SERPINB7: variants seen among roughly 807,000 people sequenced by gnomAD.
SERPINB7 encodes the protein serpin family B member 7.
A neutral mutation model predicts 37.4 loss-of-function variants in SERPINB7; 31 were observed. The ratio of observed to expected loss-of-function variants is 0.83; its 90% confidence interval spans 0.62 to 1.12. The LOEUF (loss-of-function observed/expected upper bound fraction) is 1.12, where lower values mean the gene tolerates loss of function less well. Ranked by LOEUF, SERPINB7 falls within the 50% of genes most tolerant of loss-of-function variation. The pLI, the probability that SERPINB7 is intolerant of heterozygous loss-of-function variation, is 0.00. For missense variants in SERPINB7, 521 were observed against 455.3 expected (o/e 1.14, Z -1.31); for synonymous variants, 163 against 166.1 (o/e 0.98, Z 0.14).
chr18:63,763,122 C>T (rs1347101686), intron 1 of SERPINB7, among the ~76,000 whole-genome samples: 1 of 152,134 alleles, frequency 6.6e-6, no homozygotes, highest in Non-Finnish European at 1.5e-5. Context: ...TTGCTCTGGA[C>T]TGAGATTGGG....
rs946525063 is a variant in SERPINB7 at position 63,755,307 on chromosome 18, A to G, written c.-19+2187A>G. Among the ~76,000 whole-genome samples, 4 of 152,030 alleles carry G rather than the reference A, an allele frequency of 2.6e-5. No homozygotes were observed. The South Asian group carries it at 6.2e-4, about 24-fold the overall frequency. ...GAAATGGATGAAAAATACATTTTTCATGGATTCTTTTCATTTCGTGTCCTC... is the reference window on the plus strand; with the variant it reads ...GAAATGGATGAAAAATACATTTTTCGTGGATTCTTTTCATTTCGTGTCCTC... On this transcript the variant is annotated intron_variant, in intron 1 of 7. Transcript: ENST00000336429.
At chr18:63,774,904 A>C (rs147091744), upstream of SERPINB7, among the ~76,000 whole-genome samples, 7 of 152,238 alleles carry the variant, frequency 4.6e-5, no homozygotes, top group African/African-American at 1.4e-4. Context: ...GCCAGCTCAA[A>C]AGGTTAGAGG....
rs185922400 is a variant in SERPINB7, at chr18:63,804,190, A to G, written c.745-47A>G. On this transcript the variant is annotated intron_variant, in intron 7 of 7. Transcript: ENST00000398019. ...TATCTCTGTAGCTATTGTTTTATCTATCACTTGACCATATGATTCTAAATT... is the reference window on the plus strand; with the variant it reads ...TATCTCTGTAGCTATTGTTTTATCTGTCACTTGACCATATGATTCTAAATT... The G allele has an allele frequency of 3.5e-4, 468 of 1,350,044 alleles. 3 individuals carry two copies. The African/African-American group carries it at 6.1e-3, about 18-fold the overall frequency. 83.6% of individuals were successfully genotyped at this position (1,350,044 alleles called of 1,614,324 possible).
intron 1 of SERPINB7, among the ~76,000 whole-genome samples, chr18:63,768,021 C>A (rs990386413): frequency 1.3e-5 from 2 of 152,038 alleles, no homozygotes; most frequent in Non-Finnish European, 2.9e-5. Flanking sequence ...CTGAAGGTCT[C>A]TTCCCTTCCT....
upstream of SERPINB7, among the ~76,000 whole-genome samples, chr18:63,772,440 A>G (rs1026440317): frequency 1.3e-5 from 2 of 152,122 alleles, no homozygotes; most frequent in Non-Finnish European, 2.9e-5. Context: ...AATTAGATAC[A>G]TCATTTATAT....
intron 7 of SERPINB7, among the ~76,000 whole-genome samples, chr18:63,802,326 C>T (rs574553658): frequency 1.3e-5 from 2 of 152,282 alleles, no homozygotes; most frequent in South Asian, 4.1e-4. Context: ...AGCCCTTTTT[C>T]TGCTTTTCCT....
chr18:63,782,867 G>C (rs1438796757), intron 2 of SERPINB7, among the ~76,000 whole-genome samples: 4 of 152,050 alleles, frequency 2.6e-5, no homozygotes, highest in Non-Finnish European at 4.4e-5. Flanking sequence ...GGCCGGGCGC[G>C]GTGGCTCATG....
At position 63,804,569 on chromosome 18, in the gene SERPINB7, C is replaced by T. The variant is rs779850073; in HGVS notation, c.1077C>T (p.His359=). Residue 359 remains histidine, a synonymous_variant, in exon 8 of 8, where the codon CAC becomes CAT. Coordinates refer to ENST00000398019, the MANE Select transcript of SERPINB7 (RefSeq NM_003784.4). ...LPQSTLFRAD[H]PFLFVIRKDD... ...AGTCCACGCTGTTTAGAGCTGACCA[C>T]CCATTCCTATTTGTTATCAGGAAGG... 1.9e-6 allele frequency: 3 copies of T among 1,613,450 alleles called. No homozygotes were observed. Among genetic ancestry groups the T allele is most frequent in the South Asian group, 1.1e-5 (1 of 90,958 alleles).
In SERPINB7 at chr18:63,791,023, CAAACTAACACAGG is replaced by C. The variant is rs573349427; in HGVS notation, c.169-1367_169-1355del. Reference sequence around the variant, plus strand: ...TGAAGCTGGAAACCATCATTCTCAGCAAACTAACACAGGAACAGAAAACCAAGCACTGCATATT... The same window carrying C: ...TGAAGCTGGAAACCATCATTCTCAGCAACAGAAAACCAAGCACTGCATATT... On this transcript the variant is annotated intron_variant, in intron 2 of 7. Transcript: ENST00000398019. Among the ~76,000 whole-genome samples, 266 of 152,252 alleles carry C rather than the reference CAAACTAACACAGG, an allele frequency of 1.7e-3. 1 individual carries two copies. The highest frequency in any genetic ancestry group is 0.011 in the South Asian group (53 of 4,824).
chr18:63,791,098 T>C (rs2049422213), intron 2 of SERPINB7, among the ~76,000 whole-genome samples: 1 of 151,998 alleles, frequency 6.6e-6, no homozygotes, highest in Non-Finnish European at 1.5e-5. Flanking sequence ...TGAGAACATA[T>C]GGACACAGGG....
At position 63,804,923 on chromosome 18, in the gene SERPINB7, ATGGAGAG is replaced by A. The variant is rs2049592094; in HGVS notation, c.*291_*297del. The A allele has an allele frequency of 2.7e-6, 1 of 374,318 alleles. No individual in the cohort carries two copies. The highest frequency in any genetic ancestry group is 4.2e-5 in the Admixed American group (1 of 23,626). 23.2% of individuals were successfully genotyped at this position (374,318 alleles called of 1,614,324 possible). ...CTCCCCCATGACCCGTCTGGAAATT[ATGGAGAG>A]TGCTCAACTGGTAAGGAGAACGTAG... On this transcript the variant is annotated 3_prime_UTR_variant, in exon 8 of 8. Transcript: ENST00000398019.
chr18:63,779,081 A>G (rs2049277747), intron 1 of SERPINB7, among the ~76,000 whole-genome samples: 2 of 152,174 alleles, frequency 1.3e-5, no homozygotes, highest in Non-Finnish European at 2.9e-5. Flanking sequence ...TCACACTGAC[A>G]TCTTCTTTAG....
At chr18:63,772,114 G>A (rs2049215212), upstream of SERPINB7, among the ~76,000 whole-genome samples, 1 of 151,904 alleles carries the variant, frequency 6.6e-6, no homozygotes, top group Admixed American at 6.6e-5. Context: ...GAAGGGAGAG[G>A]ATCAACTGCT....
chr18:63,784,854 G>A (rs1325705502), intron 2 of SERPINB7, among the ~76,000 whole-genome samples: 1 of 152,188 alleles, frequency 6.6e-6, no homozygotes, highest in Admixed American at 6.5e-5. Flanking sequence ...GAAGACACAC[G>A]GCTCTTACCT....
At chr18:63,764,152 G>A (rs73469940) in intron 1 of SERPINB7, among the ~76,000 whole-genome samples, 5,040 of 152,296 alleles carry the variant, frequency 0.033, 128 homozygotes, top group African/African-American at 0.066. Context: ...ATAAGTGATT[G>A]TTAACCTGAT....
chr18:63,783,228 G>GAAAGAAAGAA (rs1346398259), intron 2 of SERPINB7, among the ~76,000 whole-genome samples: 31 of 47,362 alleles, frequency 6.5e-4, no homozygotes, highest in African/African-American at 8.9e-4. Context: ...GAGAGAGAGA[G>GAAAGAAAGAA]AGAGAGAAAG....
rs1405310445 is a variant in SERPINB7 at position 63,804,540 on chromosome 18, C to T, written c.1048C>T (p.Pro350Ser). ...AAGTAATATTGTAGAAAAGCAACTC[C>T]CTCAGTCCACGCTGTTTAGAGCTGA... ...TGSNIVEKQL[P>S]QSTLFRADHP... Residue 350 changes from proline to serine, a missense_variant, in exon 8 of 8, where the codon CCT becomes TCT. Transcript: ENST00000398019. 6.2e-7 allele frequency: 1 copy of T among 1,613,706 alleles called. No individual in the cohort carries two copies. Among genetic ancestry groups the T allele is most frequent in the Admixed American group, 1.7e-5 (1 of 59,906 alleles).
At chr18:63,791,753 G>A (rs1211177085) in intron 2 of SERPINB7, among the ~76,000 whole-genome samples, 3 of 151,376 alleles carry the variant, frequency 2.0e-5, no homozygotes, top group Non-Finnish European at 4.4e-5. Context: ...TGGGACTATA[G>A]GCGCCCACCA....
chr18:63,780,581 A>G (rs2049291728), intron 1 of SERPINB7, among the ~76,000 whole-genome samples: 1 of 152,094 alleles, frequency 6.6e-6, no homozygotes, highest in Non-Finnish European at 1.5e-5. Context: ...CTTTAATCAC[A>G]ATTGCCACAA....
Sources: allele counts gnomAD v4.1 joint callset (sites outside exome capture counted in the v4.1 genomes callset), GRCh38; gene constraint gnomAD v4.1.1; transcripts MANE v1.5; gene names NCBI Gene and HGNC (gene_info 2026-07-23, HGNC 2026-07-21).